Variants in DNAJC17 observed in about 807,000 individuals in gnomAD.
The protein encoded by DNAJC17 is DnaJ heat shock protein family (Hsp40) member C17.
Under a neutral mutation model 48.1 loss-of-function variants are expected in DNAJC17, and 35 were observed. The observed-to-expected ratio is 0.73, with a 90% CI of 0.56 to 0.96. The LOEUF (loss-of-function observed/expected upper bound fraction) is 0.96. Among genes scored for constraint, DNAJC17 ranks in the 50% least tolerant of loss-of-function variants. The probability of loss-of-function intolerance (pLI) is 0.00; values close to 1 mark genes in which losing one functional copy is unlikely to be tolerated. For synonymous variants in DNAJC17, 117 were observed against 142.7 expected, an observed-to-expected ratio of 0.82 and a Z score of 1.28; for missense variants, 355 against 377.1, an observed-to-expected ratio of 0.94 and a Z score of 0.48.
rs1339824390 is a variant in DNAJC17 at position 40,767,473 on chromosome 15, C to T, written c.*467G>A. ...TTCCCAAATCATCACCGCCATGGGC[C>T]CAGCCCCAAAGGGCAGTGAATGGCC... is the stretch of plus-strand genomic sequence containing the variant. On this transcript the variant is annotated 3_prime_UTR_variant, in exon 11 of 11. Transcript: ENST00000220496. 8.5e-6 allele frequency: 10 copies of T among 1,171,550 alleles called. No individual in the cohort carries two copies. The Admixed American group carries it at 2.9e-4, about 34-fold the overall frequency. 72.6% of individuals were successfully genotyped at this position (1,171,550 alleles called of 1,614,324 possible).
rs1345897739 is a variant in DNAJC17, at chr15:40,807,421, T to G, written c.26A>C (p.Gln9Pro). 6.2e-7 allele frequency: 1 copy of G among 1,614,150 alleles called. No individual in the cohort carries two copies. The highest frequency in any genetic ancestry group is 8.5e-7 in the Non-Finnish European group (1 of 1,180,056). MAVTKELL[Q>P]MDLYALLGIE... ...GCCTAGCAGCGCGTACAGGTCCATC[T>G]GTAAGAGCTCCTTGGTCACTGCCAT... Residue 9 changes from glutamine (Q) to proline (P), a missense_variant, in exon 1 of 11, where the codon CAG becomes CCG. Gln to Pro is a moderately conservative substitution (Grantham distance 76). Coordinates refer to ENST00000220496, the MANE Select transcript of DNAJC17 (RefSeq NM_018163.3).
At position 40,770,092 on chromosome 15, in the gene DNAJC17, TCTG is replaced by T. The variant is rs1322076838; in HGVS notation, c.793-2033_793-2031del. 1.5e-5 allele frequency: 3 copies of T among 197,632 alleles called. No homozygotes were observed. The Admixed American group carries it at 1.6e-4, about 11-fold the overall frequency. The allele number at this position is 197,632 out of a possible 1,614,324, so 12.2% of individuals were successfully genotyped here. A position where few individuals can be genotyped will look rare whatever the true frequency, so the allele number is the denominator to read the frequency against. ...CACCAGGGCGAGTGAGCTCGGGCCA[TCTG>T]CTGCCTGCCTGTGGAAGGAGCGCTC... On this transcript the variant is annotated intron_variant, in intron 10 of 10. Coordinates refer to ENST00000220496, the MANE Select transcript of DNAJC17 (RefSeq NM_018163.3). This position sits in a 1 kb window ranked among gnomAD's most constrained non-coding sequence, Gnocchi z 5.0.
intron 1 of DNAJC17, among the ~76,000 whole-genome samples, chr15:40,789,902 T>TGAAAAAAAAAAAAA (rs1889747155): frequency 2.0e-4 from 1 of 5,026 alleles, no homozygotes; most frequent in Non-Finnish European, 3.5e-4. Context: ...ACAGACTGTC[T>TGAAAAAAAAAAAAA]CAAAAAAAAA....
At position 40,765,903 on chromosome 15, in the gene DNAJC17, G is replaced by T; in HGVS notation, c.*2037C>A. The T allele has an allele frequency of 2.5e-6, 4 of 1,571,884 alleles. No homozygotes were observed. The highest frequency in any genetic ancestry group is 3.5e-6 in the Non-Finnish European group (4 of 1,151,012). On this transcript the variant is annotated 3_prime_UTR_variant, in exon 11 of 11. Transcript: ENST00000220496. Reference sequence around the variant, plus strand: ...CAGCATCTGGGGGCTTCAAAGAGAAGAGCCTTGGGAAACAACTTGTAAGTA... The same window carrying T: ...CAGCATCTGGGGGCTTCAAAGAGAATAGCCTTGGGAAACAACTTGTAAGTA...
chr15:40,807,186 T>A, intron 1 of DNAJC17, 183 bp downstream of exon 1: 2 of 1,439,194 alleles, frequency 1.4e-6, no homozygotes, highest in Non-Finnish European at 1.9e-6. Flanking sequence ...CGCTTCCTCT[T>A]GAGGCCCTCG....
intron 9 of DNAJC17, 28 bp downstream of exon 9, chr15:40,774,328 G>A (rs377185052): frequency 1.9e-5 from 31 of 1,612,886 alleles, no homozygotes; most frequent in Non-Finnish European, 2.6e-5. Flanking sequence ...GGGCCACGAG[G>A]GGCCCCCAAG....
chr15:40,776,409 T>C (rs1426837597), intron 5 of DNAJC17, 117 bp from the exon 6 acceptor site: 2 of 1,462,064 alleles, frequency 1.4e-6, no homozygotes, highest in Admixed American at 1.7e-5. Flanking sequence ...AACCTGTGGG[T>C]GGGACAAATC....
At position 40,770,559 on chromosome 15, in the gene DNAJC17, C is replaced by T. The variant is rs778476975; in HGVS notation, c.793-2497G>A. 40 of 1,550,504 alleles carry T rather than the reference C, an allele frequency of 2.6e-5. No individual in the cohort carries two copies. The African/African-American group carries it at 2.6e-4, about 10-fold the overall frequency. ...CTTCTTCAAGCAGCTGAGCCTGGGG[C>T]GGCCACGGCGGCTCCGGCGACAGAG... On this transcript the variant is annotated intron_variant, in intron 10 of 10. Coordinates refer to ENST00000220496, the MANE Select transcript of DNAJC17 (RefSeq NM_018163.3). The surrounding 1 kb of genome is among the most constrained non-coding windows in gnomAD (Gnocchi z 5.0).
At chr15:40,773,252 G>A (rs544486694) in intron 10 of DNAJC17, among the ~76,000 whole-genome samples, 27 of 152,250 alleles carry the variant, frequency 1.8e-4, no homozygotes, top group African/African-American at 5.8e-4. Context: ...GAGCCACTGC[G>A]CCCAGCCTGC....
rs1346790861 is a variant in DNAJC17, at chr15:40,765,701, C to G, written c.*2239G>C. 5 of 451,608 alleles carry G rather than the reference C, an allele frequency of 1.1e-5. No homozygotes were observed. Among genetic ancestry groups the G allele is most frequent in the Admixed American group, 8.0e-5 (2 of 25,078 alleles). The allele number at this position is 451,608 out of a possible 1,614,324, so 28.0% of individuals were successfully genotyped here. A position where few individuals can be genotyped will look rare whatever the true frequency, so the allele number is the denominator to read the frequency against. On this transcript the variant is annotated 3_prime_UTR_variant, in exon 11 of 11. Coordinates refer to ENST00000220496, the MANE Select transcript of DNAJC17 (RefSeq NM_018163.3). ...AGCTTGTGCTCAGCCCCTAAGAATC[C>G]TTGCTACTCTCTGTAGCCTTTACCT...
intron 10 of DNAJC17, among the ~76,000 whole-genome samples, chr15:40,773,356 G>A (rs1288312441): frequency 6.6e-6 from 1 of 152,164 alleles, no homozygotes; most frequent in African/African-American, 2.4e-5. Flanking sequence ...TGCTGGGAAG[G>A]AAGTGGCTGT....
chr15:40,775,549 T>A lies in DNAJC17; in HGVS notation c.522+4A>T, dbSNP rs1432300567. 6.2e-7 allele frequency: 1 copy of A among 1,613,728 alleles called. No individual in the cohort carries two copies. Among genetic ancestry groups the A allele is most frequent in the African/African-American group, 1.3e-5 (1 of 74,904 alleles). On this transcript the variant is annotated splice_donor_region_variant and intron_variant, in intron 7 of 10. Coordinates refer to ENST00000220496, the MANE Select transcript of DNAJC17 (RefSeq NM_018163.3). ...GGTGGCCCACAGATCCTGCCCAGGC[T>A]CACCTTTAGTTTGGGGGTTCCTTGG...
rs146242086 is a variant in DNAJC17, at chr15:40,767,306, C to T, written c.*634G>A. On this transcript the variant is annotated 3_prime_UTR_variant, in exon 11 of 11. Coordinates refer to ENST00000220496, the MANE Select transcript of DNAJC17 (RefSeq NM_018163.3). ...AGGGGCTTCCGTGTGCTGAGCATGA[C>T]GGGGGTGGGCCAGACGCTGGTGTGG... 8 of 1,603,804 alleles carry T rather than the reference C, an allele frequency of 5.0e-6. No individual in the cohort carries two copies. Among genetic ancestry groups the T allele is most frequent in the Admixed American group, 1.7e-5 (1 of 58,574 alleles).
At chr15:40,773,947 A>G (rs1203471894) in intron 9 of DNAJC17, 110 bp from the exon 10 acceptor site, 1 of 953,108 alleles carries the variant, frequency 1.0e-6, no homozygotes, top group African/African-American at 1.7e-5. Context: ...CTAAGCAGAG[A>G]TGCCAACCTC....
intron 10 of DNAJC17, 101 bp from the exon 11 acceptor site, chr15:40,768,163 C>G: frequency 7.2e-7 from 1 of 1,380,380 alleles, no homozygotes; most frequent in Non-Finnish European, 9.4e-7. Context: ...CTAAGAGTCT[C>G]GGAGGGAGGA....
intron 10 of DNAJC17, chr15:40,771,326 A>G (rs2004043): frequency 0.017 from 7,494 of 430,156 alleles, 498 homozygotes; most frequent in African/African-American, 0.15. Context: ...CTGTGCCGGG[A>G]AAGGGAGGCT....
rs773622672 is a variant in DNAJC17, at chr15:40,779,362, G to C, written c.208-52C>G. 5.6e-6 allele frequency: 9 copies of C among 1,603,182 alleles called. No individual in the cohort carries two copies. The East Asian group carries it at 1.8e-4, about 32-fold the overall frequency. The stretch of plus-strand genomic sequence containing the variant: ...GAGGGTCAGTGAGAGAGTAAAGACA[G>C]AGCCCCGGCAATCTGCCTGGCCCCT... On this transcript the variant is annotated intron_variant, in intron 3 of 10. Transcript: ENST00000220496.
Position 40,767,853 on chromosome 15 carries a change from TG to T in DNAJC17, c.*86del. On this transcript the variant is annotated 3_prime_UTR_variant, in exon 11 of 11. Transcript: ENST00000220496. Reference sequence around the variant, plus strand: ...GAGCCCAGCACCTTATACCTATGTATGGGATAGAGGTAAAATCTTAAAAAAA... The same window carrying T: ...GAGCCCAGCACCTTATACCTATGTATGGATAGAGGTAAAATCTTAAAAAAA... 1.3e-6 allele frequency: 2 copies of T among 1,554,604 alleles called. No individual in the cohort carries two copies. The highest frequency in any genetic ancestry group is 1.7e-6 in the Non-Finnish European group (2 of 1,154,258).
At chr15:40,776,959 T>G (rs1889343953) in intron 4 of DNAJC17, 1 of 242,632 alleles carries the variant, frequency 4.1e-6, no homozygotes, top group East Asian at 9.3e-5. Context: ...TGGGCGGAGC[T>G]GCTGGGCTCG....
Sources: gnomAD v4.1 joint callset for allele counts (sites outside exome capture counted in the v4.1 genomes callset) on GRCh38, gnomAD v4.1.1 for gene constraint, Gnocchi (gnomAD v3.1) non-coding constraint, MANE v1.5 for transcripts, NCBI Gene and HGNC (gene_info 2026-07-23, HGNC 2026-07-21) for gene names.